WDFY3: variants seen among roughly 807,000 people sequenced by gnomAD.
WDFY3 encodes the protein WD repeat and FYVE domain containing 3.
WDFY3 carries 66 observed loss-of-function variants against 409.6 expected under a neutral mutation model. The observed-to-expected ratio is 0.16, with a 90% confidence interval of 0.13 to 0.20. WDFY3 has a LOEUF of 0.20. Among genes scored for constraint, WDFY3 ranks in the 10% least tolerant of loss-of-function variants. The pLI is 1.00. For synonymous variants in WDFY3, 1,521 were observed against 1,537.1 expected, an observed-to-expected ratio of 0.99 and a Z score of 0.25; for missense variants, 3,031 against 4,298.1, an observed-to-expected ratio of 0.71 and a Z score of 8.24.
Position 84,678,241 on chromosome 4 carries a change from G to C in WDFY3, c.10186C>G (p.Leu3396Val), listed in dbSNP as rs375290555. 1.4e-5 allele frequency: 23 copies of C among 1,613,992 alleles called. No individual in the cohort carries two copies. Among genetic ancestry groups the C allele is most frequent in the Non-Finnish European group, 1.8e-5 (21 of 1,180,010 alleles). ...WERQLVFRSK[L>V]TMHTAFDRKD... ...CGATCAAAGGCTGTGTGCATAGTCA[G>C]CTTACTCCTGAACACCAGCTGCCGT... Residue 3396 changes from leucine (L) to valine (V), a missense_variant, in exon 66 of 68, where the codon CTG becomes GTG. By Grantham distance (32) the Leu-to-Val change is conservative. This residue lies in a region of WDFY3 where 378 missense variants were observed against 477.3 expected (regional missense o/e 0.79). Transcript: ENST00000295888.
At chr4:84,701,488 T>C (rs1431497224) in intron 56 of WDFY3, among the ~76,000 whole-genome samples, 1 of 152,234 alleles carries the variant, frequency 6.6e-6, no homozygotes, top group Non-Finnish European at 1.5e-5. Context: ...AGTACAGTTA[T>C]AATTTATGTG....
At position 84,900,050 on chromosome 4, in the gene WDFY3, A is replaced by G. The variant is rs531248997; in HGVS notation, c.-131-3040T>C. ...GTGACAAAGCCAAGACCCTGTTTCA[A>G]AAAATAAAGAAGAAAGAAAAAGAAA... On this transcript the variant is annotated intron_variant, in intron 2 of 67. Coordinates refer to ENST00000295888, the MANE Select transcript of WDFY3 (RefSeq NM_014991.6). 2.0e-5 allele frequency among the ~76,000 whole-genome samples: 3 copies of G among 152,224 alleles called. No individual in the cohort carries two copies. In the South Asian group the frequency reaches 6.2e-4, roughly 32 times the overall value.
chr4:84,873,899 C>T (rs1466789932), intron 3 of WDFY3, among the ~76,000 whole-genome samples: 2 of 151,806 alleles, frequency 1.3e-5, no homozygotes, highest in African/African-American at 2.4e-5. Context: ...TCTCCTGTCT[C>T]GGCCTCCCTA....
At chr4:84,902,311 G>A (rs1252694934) in intron 2 of WDFY3, among the ~76,000 whole-genome samples, 5 of 152,126 alleles carry the variant, frequency 3.3e-5, no homozygotes, top group African/African-American at 4.8e-5. Flanking sequence ...AAAACAAGAG[G>A]TAGAATTCAG....
chr4:84,823,050 G>A (rs571198300), intron 10 of WDFY3, among the ~76,000 whole-genome samples: 4 of 152,218 alleles, frequency 2.6e-5, no homozygotes, highest in African/African-American at 9.6e-5. Flanking sequence ...ATGATTCTGA[G>A]AAGAAAGAAC....
intron 44 of WDFY3, among the ~76,000 whole-genome samples, chr4:84,728,930 C>T (rs1173808494): frequency 6.6e-5 from 10 of 151,976 alleles, no homozygotes; most frequent in African/African-American, 2.4e-4. Flanking sequence ...AGTCCTTTTA[C>T]TTCAAATTTT....
rs187695488 is a variant in WDFY3 at position 84,932,259 on chromosome 4, C to G, written c.-132+11G>C. 6.6e-6 allele frequency: 1 copy of G among 152,176 alleles called. No individual in the cohort carries two copies. Among genetic ancestry groups the G allele is most frequent in the Non-Finnish European group, 1.5e-5 (1 of 67,992 alleles). 9.4% of individuals were successfully genotyped at this position (152,176 alleles called of 1,614,324 possible). A position where few individuals can be genotyped will look rare whatever the true frequency, so the allele number is the denominator to read the frequency against. On this transcript the variant is annotated intron_variant, in intron 2 of 67. Transcript: ENST00000295888. ...CTCCTTTTTCAACAAAAAAAAAATCCTAAAACTGACCTGATTCTCTGTTCT... is the reference window on the plus strand; with the variant it reads ...CTCCTTTTTCAACAAAAAAAAAATCGTAAAACTGACCTGATTCTCTGTTCT...
At chr4:84,675,528 A>G (rs1726124426) in intron 67 of WDFY3, among the ~76,000 whole-genome samples, 1 of 152,154 alleles carries the variant, frequency 6.6e-6, no homozygotes, top group Non-Finnish European at 1.5e-5. Flanking sequence ...TCTTACCCAC[A>G]TTTACAGATA....
At position 84,759,176 on chromosome 4, in the gene WDFY3, C is replaced by T. The variant is rs190936504; in HGVS notation, c.5189-2015G>A. Among the ~76,000 whole-genome samples, 1,098 of 152,166 alleles carry T rather than the reference C, an allele frequency of 7.2e-3. 11 individuals carry two copies. The highest frequency in any genetic ancestry group is 0.025 in the African/African-American group (1,037 of 41,514). ...CCATTGATCTATATCTCTGTTTTGG[C>T]ACCAGTACCTTGCTGTTTTGGTTAC... On this transcript the variant is annotated intron_variant, in intron 32 of 67. Coordinates refer to ENST00000295888, the MANE Select transcript of WDFY3 (RefSeq NM_014991.6).
chr4:84,714,545 A>G (rs75619560), intron 50 of WDFY3, among the ~76,000 whole-genome samples: 1 of 152,354 alleles, frequency 6.6e-6, no homozygotes, highest in East Asian at 1.9e-4. Context: ...TTCCATGGCC[A>G]GAGAAAAGTC....
chr4:84,762,941 ATC>A (rs1426000699), intron 32 of WDFY3, among the ~76,000 whole-genome samples: 1 of 152,006 alleles, frequency 6.6e-6, no homozygotes, highest in Non-Finnish European at 1.5e-5. Flanking sequence ...ACAAGACCCA[ATC>A]TCTAAAAAAT....
chr4:84,879,285 T>A (rs1285472220), intron 3 of WDFY3: 2 of 152,196 alleles, frequency 1.3e-5, no homozygotes, highest in African/African-American at 2.4e-5. Context: ...TTCTACTACA[T>A]GGCTACCTAT....
intron 32 of WDFY3, among the ~76,000 whole-genome samples, chr4:84,760,720 C>T (rs1412844944): frequency 3.4e-5 from 5 of 148,410 alleles, no homozygotes; most frequent in African/African-American, 7.4e-5. Flanking sequence ...GTCTTGCTAG[C>T]GGTCTATCAA....
chr4:84,677,300 C>T lies in WDFY3; in HGVS notation c.10356G>A (p.Val3452=), dbSNP rs1052105819. The T allele has an allele frequency of 6.2e-7, 1 of 1,614,226 alleles. No homozygotes were observed. The highest frequency in any genetic ancestry group is 8.5e-7 in the Non-Finnish European group (1 of 1,180,030). Residue 3452 remains valine (V), a synonymous_variant, in exon 67 of 68, where the codon GTG becomes GTA. Transcript: ENST00000295888. ...AGCAGCTGTCACCACCTTCATCCTTCACCCAGTGATCAGCAGCAGAACGGC... is the reference window on the plus strand; with the variant it reads ...AGCAGCTGTCACCACCTTCATCCTTTACCCAGTGATCAGCAGCAGAACGGC... ...QPGRSAADHW[V]KDEGGDSCSG... is the part of the protein sequence containing the mutation.
intron 4 of WDFY3, among the ~76,000 whole-genome samples, chr4:84,858,308 G>A (rs1185629334): frequency 1.3e-5 from 2 of 152,060 alleles, no homozygotes; most frequent in Non-Finnish European, 2.9e-5. Flanking sequence ...ACAACTAGAA[G>A]TCTAGTTCCT....
rs1327801411 is a variant in WDFY3 at position 84,966,232 on chromosome 4, G to A, written c.-249C>T. ...ACCTGAGGGCCGGCGGAGGGCGCGG[G>A]CGGGACAGGCCCAGGAGACGGGACC... On this transcript the variant is annotated 5_prime_UTR_variant, in exon 1 of 68. Coordinates refer to ENST00000295888, the MANE Select transcript of WDFY3 (RefSeq NM_014991.6). The A allele has an allele frequency of 6.6e-6, 1 of 151,188 alleles. No homozygotes were observed. Among genetic ancestry groups the A allele is most frequent in the Admixed American group, 6.6e-5 (1 of 15,142 alleles). 9.4% of individuals were successfully genotyped at this position (151,188 alleles called of 1,614,324 possible). A position where few individuals can be genotyped will look rare whatever the true frequency, so the allele number is the denominator to read the frequency against.
chr4:84,845,985 G>A (rs1758030576), intron 5 of WDFY3, among the ~76,000 whole-genome samples: 1 of 150,908 alleles, frequency 6.6e-6, no homozygotes, highest in Non-Finnish European at 1.5e-5. Context: ...GAACACAACA[G>A]ACAATAAAAT....
At chr4:84,960,066 G>T (rs959122796) in intron 1 of WDFY3, among the ~76,000 whole-genome samples, 5 of 151,732 alleles carry the variant, frequency 3.3e-5, no homozygotes, top group African/African-American at 1.2e-4. Flanking sequence ...TTGTTTTTTT[G>T]GTTTTTACCC....
At chr4:84,708,397 C>T (rs1406245927) in intron 53 of WDFY3, among the ~76,000 whole-genome samples, 1 of 152,134 alleles carries the variant, frequency 6.6e-6, no homozygotes, top group Non-Finnish European at 1.5e-5. Context: ...AATTAATAGC[C>T]AGTACTCAGT....
Sources: gnomAD v4.1 joint callset for allele counts (sites outside exome capture counted in the v4.1 genomes callset) on GRCh38, gnomAD v4.1.1 for gene constraint, gnomAD v4.1.1 regional missense constraint, MANE v1.5 for transcripts, NCBI Gene and HGNC (gene_info 2026-07-23, HGNC 2026-07-21) for gene names.